The following PRELID2 variants were observed in gnomAD, a reference collection of about 807,000 sequenced individuals.
PRELID2 encodes PRELI domain containing 2.
Under a neutral mutation model 28.4 loss-of-function variants are expected in PRELID2, and 25 were observed. That is an observed-to-expected ratio of 0.88 (90% CI 0.64 to 1.23). The LOEUF (loss-of-function observed/expected upper bound fraction) is 1.23. Ranked by LOEUF, PRELID2 falls within the 50% of genes most tolerant of loss-of-function variation. The pLI, the probability that PRELID2 is intolerant of heterozygous loss-of-function variation, is 0.00. For synonymous variants in PRELID2, 76 were observed against 71.6 expected, an observed-to-expected ratio of 1.06 and a Z score of -0.31; for missense variants, 201 against 214.4, an observed-to-expected ratio of 0.94 and a Z score of 0.39.
At chr5:145,572,703 G>T (rs373908415) in intron 1 of PRELID2, among the ~76,000 whole-genome samples, 2 of 152,154 alleles carry the variant, frequency 1.3e-5, no homozygotes, top group Admixed American at 1.3e-4. Flanking sequence ...CATATGTAGG[G>T]AAGGATGCAG....
At chr5:145,682,059 G>GA (rs956962007) in intron 1 of PRELID2, among the ~76,000 whole-genome samples, 186 of 147,068 alleles carry the variant, frequency 1.3e-3, no homozygotes, top group African/African-American at 3.0e-3. Context: ...ATAACTTGGA[G>GA]AAAAAAAAAA....
chr5:145,275,341 C>T, the PRELID2 span, among the ~76,000 whole-genome samples: 1 of 152,012 alleles, frequency 6.6e-6, no homozygotes, highest in East Asian at 1.9e-4. Flanking sequence ...AACAATTAAT[C>T]ACCCCTGTGA....
rs1405658257 is a variant in PRELID2, at chr5:145,729,082, T to A, written n.70+35849A>T. On this transcript the variant is annotated intron_variant and non_coding_transcript_variant, in intron 1 of 2. Coordinates refer to the PRELID2 transcript ENST00000510259. ...TTAAGAAATTCAAGTAAGCAGAATGTTTGCTTTCACTTGGTCCCATTGTTA... is the reference window on the plus strand; with the variant it reads ...TTAAGAAATTCAAGTAAGCAGAATGATTGCTTTCACTTGGTCCCATTGTTA... 1.0e-5 allele frequency: 6 copies of A among 597,036 alleles called. No homozygotes were observed. The East Asian group carries it at 1.6e-4, about 16-fold the overall frequency. 37.0% of individuals were successfully genotyped at this position (597,036 alleles called of 1,614,324 possible). A position where few individuals can be genotyped will look rare whatever the true frequency, so the allele number is the denominator to read the frequency against.
intron 1 of PRELID2, among the ~76,000 whole-genome samples, chr5:145,833,595 A>G (rs1362428383): frequency 1.3e-5 from 2 of 152,240 alleles, no homozygotes; most frequent in East Asian, 1.9e-4. Context: ...ATCAACGAAC[A>G]TATCAGCAAG....
At chr5:145,553,198 A>G (rs1262924753) in intron 1 of PRELID2, among the ~76,000 whole-genome samples, 1 of 141,292 alleles carries the variant, frequency 7.1e-6, no homozygotes, top group Non-Finnish European at 1.6e-5. Context: ...CCCCCCAAAA[A>G]AAAAGGGAGC....
rs377749299 is a variant in PRELID2, at chr5:145,652,267, C to G, written n.70+112664G>C. ...ATGGGACTATGTGAAAAGACCAAAT[C>G]TATGTCTGATTGGCATACCTGAAAG... is the stretch of plus-strand genomic sequence containing the variant. On this transcript the variant is annotated intron_variant and non_coding_transcript_variant, in intron 1 of 2. Transcript: ENST00000510259. 1.9e-4 allele frequency among the ~76,000 whole-genome samples: 29 copies of G among 152,316 alleles called. No homozygotes were observed. The South Asian group carries it at 6.0e-3, about 32-fold the overall frequency.
chr5:145,687,448 GAACTTA>G (rs1004841178), intron 1 of PRELID2, among the ~76,000 whole-genome samples: 1 of 152,128 alleles, frequency 6.6e-6, no homozygotes, highest in Non-Finnish European at 1.5e-5. Flanking sequence ...AAAGGCCTAG[GAACTTA>G]TTCTTGAATA....
At chr5:145,622,086 T>C (rs890266110) in intron 1 of PRELID2, among the ~76,000 whole-genome samples, 5 of 152,186 alleles carry the variant, frequency 3.3e-5, no homozygotes, top group Non-Finnish European at 5.9e-5. Context: ...CCACCTATTA[T>C]ATGATTCCAT....
the PRELID2 span, among the ~76,000 whole-genome samples, chr5:145,328,879 G>T: frequency 1.3e-3 from 201 of 152,160 alleles, no homozygotes; most frequent in African/African-American, 4.8e-3. Context: ...GTATTACCTA[G>T]GTCTTATTCT....
chr5:145,427,541 G>A, the PRELID2 span, among the ~76,000 whole-genome samples: 1 of 152,206 alleles, frequency 6.6e-6, no homozygotes, highest in Admixed American at 6.5e-5. Flanking sequence ...GGGTGAGAGA[G>A]ATTCGCTTAT....
At chr5:145,740,418 G>T (rs2149736097) in intron 1 of PRELID2, among the ~76,000 whole-genome samples, 1 of 138,598 alleles carries the variant, frequency 7.2e-6, no homozygotes, top group African/African-American at 2.6e-5. Flanking sequence ...ATTATAGGTG[G>T]TGACTACAAA....
the PRELID2 span, among the ~76,000 whole-genome samples, chr5:145,261,922 C>A: frequency 6.6e-6 from 1 of 151,846 alleles, no homozygotes; most frequent in South Asian, 2.1e-4. Context: ...TGAAGTTCAA[C>A]GTAAATAAAT....
At chr5:145,805,730 T>C (rs148992755) in intron 4 of PRELID2, among the ~76,000 whole-genome samples, 56 of 152,304 alleles carry the variant, frequency 3.7e-4, no homozygotes, top group African/African-American at 1.3e-3. Context: ...GCAAACATCA[T>C]AGAGTGTACT....
At chr5:145,487,359 T>C (rs1752227631) in intron 1 of PRELID2, among the ~76,000 whole-genome samples, 1 of 152,162 alleles carries the variant, frequency 6.6e-6, no homozygotes, top group Non-Finnish European at 1.5e-5. Flanking sequence ...TATAGAACTC[T>C]GTAAAGTTGT....
At chr5:145,249,889 T>A in the PRELID2 span, among the ~76,000 whole-genome samples, 1 of 151,812 alleles carries the variant, frequency 6.6e-6, no homozygotes, top group Non-Finnish European at 1.5e-5. Flanking sequence ...AGGGTTCCAT[T>A]CTTTGTCAGT....
At chr5:145,640,463 G>A (rs1426052430) in intron 1 of PRELID2, among the ~76,000 whole-genome samples, 19 of 128,570 alleles carry the variant, frequency 1.5e-4, no homozygotes, top group Admixed American at 6.9e-4. Flanking sequence ...GCGACAGAGC[G>A]AGACTCCGTC....
chr5:145,744,823 T>G (rs942430408), intron 1 of PRELID2, among the ~76,000 whole-genome samples: 1 of 151,890 alleles, frequency 6.6e-6, no homozygotes, highest in Non-Finnish European at 1.5e-5. Context: ...GATTGCAACG[T>G]TTCTCCAGCA....
chr5:145,813,292 T>G (rs1754075430), intron 4 of PRELID2, among the ~76,000 whole-genome samples: 1 of 152,204 alleles, frequency 6.6e-6, no homozygotes, highest in African/African-American at 2.4e-5. Context: ...TAATGAATCT[T>G]TCTTGGATGC....
chr5:145,710,335 G>T (rs915475083), intron 1 of PRELID2, among the ~76,000 whole-genome samples: 41 of 152,136 alleles, frequency 2.7e-4, no homozygotes, highest in African/African-American at 9.9e-4. Flanking sequence ...GTCTATGTGG[G>T]ATATTTTCCC....
Sources: gnomAD v4.1 joint callset for allele counts (sites outside exome capture counted in the v4.1 genomes callset) on GRCh38, gnomAD v4.1.1 for gene constraint, MANE v1.5 for transcripts, NCBI Gene and HGNC (gene_info 2026-07-23, HGNC 2026-07-21) for gene names.